The following SPEF2 variants were observed in gnomAD, a reference collection of about 807,000 sequenced individuals.
The protein encoded by SPEF2 is sperm flagella and cilia-associated protein 2.
SPEF2 carries 187 observed loss-of-function variants against 224.6 expected under a neutral mutation model. That is an observed-to-expected ratio of 0.83 (90% CI 0.74 to 0.94). SPEF2 has a LOEUF of 0.94. SPEF2 is among the 40% of genes least tolerant of loss of function. The pLI, the probability that SPEF2 is intolerant of heterozygous loss-of-function variation, is 0.00. For synonymous variants in SPEF2, 715 were observed against 707.3 expected, an observed-to-expected ratio of 1.01 and a Z score of -0.17; for missense variants, 2,170 against 2,135.6, an observed-to-expected ratio of 1.02 and a Z score of -0.32.
chr5:35,719,249 G>A (rs1044015353), intron 20 of SPEF2, among the ~76,000 whole-genome samples: 1 of 152,102 alleles, frequency 6.6e-6, no homozygotes, highest in African/African-American at 2.4e-5. Context: ...CTAAAATATA[G>A]GGGAAAACTT....
At position 35,666,048 on chromosome 5, in the gene SPEF2, A is replaced by G. The variant is rs182721181; in HGVS notation, c.1168-1024A>G. On this transcript the variant is annotated intron_variant, in intron 8 of 36. Transcript: ENST00000356031. ...AATTTTTTGGGGTATGCTAAGTACT[A>G]TTAATAACCTGACTTTGAGGAAATG... is the stretch of plus-strand genomic sequence containing the variant. Among the ~76,000 whole-genome samples the G allele has an allele frequency of 1.9e-3, 292 of 152,280 alleles. 1 individual carries two copies. Among genetic ancestry groups the G allele is most frequent in the African/African-American group, 6.9e-3 (287 of 41,558 alleles).
intron 10 of SPEF2, among the ~76,000 whole-genome samples, chr5:35,680,283 G>A (rs138453090): frequency 3.9e-4 from 60 of 152,194 alleles, no homozygotes; most frequent in African/African-American, 1.3e-3. Flanking sequence ...TTGTTACTTC[G>A]GGAGATACTT....
chr5:35,660,861 G>A (rs944084429), intron 8 of SPEF2, among the ~76,000 whole-genome samples: 4 of 152,186 alleles, frequency 2.6e-5, no homozygotes, highest in Non-Finnish European at 4.4e-5. Context: ...ACTAACTTCA[G>A]AGGACCGGAA....
At chr5:35,718,552 C>T (rs10434593) in intron 20 of SPEF2, among the ~76,000 whole-genome samples, 106,744 of 151,910 alleles carry the variant, frequency 0.7, 38,374 homozygotes, top group Middle Eastern at 0.8. Flanking sequence ...TGCATCTGAG[C>T]GATTTTGGCA....
intron 30 of SPEF2, among the ~76,000 whole-genome samples, chr5:35,786,050 A>G (rs1755070316): frequency 6.6e-6 from 1 of 152,190 alleles, no homozygotes; most frequent in African/African-American, 2.4e-5. Context: ...TGAATGATCT[A>G]GCTTAACCAC....
At chr5:35,769,791 G>A (rs1373299733) in intron 26 of SPEF2, among the ~76,000 whole-genome samples, 1 of 152,062 alleles carries the variant, frequency 6.6e-6, no homozygotes, top group Non-Finnish European at 1.5e-5. Flanking sequence ...CCACAAAACT[G>A]TAATAGTCTT....
At chr5:35,751,032 TATACAC>T (rs1424800048) in intron 23 of SPEF2, among the ~76,000 whole-genome samples, 1 of 96,070 alleles carries the variant, frequency 1.0e-5, no homozygotes, top group African/African-American at 4.0e-5. Context: ...TACGTATATA[TATACAC>T]ATATGTATAT....
intron 5 of SPEF2, 60 bp from the exon 6 acceptor site, chr5:35,649,301 A>T: frequency 7.3e-7 from 1 of 1,378,810 alleles, no homozygotes. Context: ...ATGAATGTGT[A>T]AATGAAGATT....
In SPEF2 at chr5:35,787,051, C is replaced by T. The variant is rs1264825460; in HGVS notation, c.4448-5289C>T. 3.3e-5 allele frequency among the ~76,000 whole-genome samples: 5 copies of T among 152,336 alleles called. No homozygotes were observed. The East Asian group carries it at 9.6e-4, about 29-fold the overall frequency. ...AACACATATATGTGATCTAGGCTCTCTGCCTTCAGGGAGAAACTGGTATTT... is the reference window on the plus strand; with the variant it reads ...AACACATATATGTGATCTAGGCTCTTTGCCTTCAGGGAGAAACTGGTATTT... On this transcript the variant is annotated intron_variant, in intron 30 of 36. Transcript: ENST00000356031.
At chr5:35,770,433 A>C (rs1752670570) in intron 26 of SPEF2, among the ~76,000 whole-genome samples, 1 of 152,094 alleles carries the variant, frequency 6.6e-6, no homozygotes, top group Admixed American at 6.6e-5. Context: ...GGTGCTGGGC[A>C]AGATGTCATC....
At chr5:35,763,424 T>C (rs1751621101) in intron 25 of SPEF2, 98 bp from the exon 26 acceptor site, 12 of 1,125,692 alleles carry the variant, frequency 1.1e-5, no homozygotes, top group African/African-American at 1.6e-5. Context: ...AAATTGAGAT[T>C]AAACCAAGAC....
chr5:35,714,590 A>G lies in SPEF2; in HGVS notation c.2914+1704A>G, dbSNP rs577870399. Among the ~76,000 whole-genome samples the G allele has an allele frequency of 9.9e-5, 15 of 151,390 alleles. No homozygotes were observed. In the East Asian group the frequency reaches 2.9e-3, roughly 29 times the overall value. On this transcript the variant is annotated intron_variant, in intron 20 of 36. Transcript: ENST00000356031. ...GTATTTACTTTGTATTTTTTTTCTTAATATTACAATTACATGGCCTCAGTT... is the reference window on the plus strand; with the variant it reads ...GTATTTACTTTGTATTTTTTTTCTTGATATTACAATTACATGGCCTCAGTT...
chr5:35,737,157 C>T (rs902228769), intron 21 of SPEF2, among the ~76,000 whole-genome samples: 7 of 152,198 alleles, frequency 4.6e-5, no homozygotes, highest in African/African-American at 9.6e-5. Context: ...ATTAAACTTA[C>T]GTATATTAAA....
chr5:35,711,144 A>G (rs1214281518), intron 19 of SPEF2, among the ~76,000 whole-genome samples: 1 of 152,224 alleles, frequency 6.6e-6, no homozygotes, highest in African/African-American at 2.4e-5. Context: ...GCTTCTGAAC[A>G]TGCCCTACTC....
At chr5:35,808,403 C>A (rs1758316305) in intron 36 of SPEF2, among the ~76,000 whole-genome samples, 1 of 152,034 alleles carries the variant, frequency 6.6e-6, no homozygotes, top group Non-Finnish European at 1.5e-5. Flanking sequence ...TCTCCCCTTC[C>A]CCCACCCCAT....
At chr5:35,655,260 C>A (rs1222561019) in intron 7 of SPEF2, among the ~76,000 whole-genome samples, 1 of 152,124 alleles carries the variant, frequency 6.6e-6, no homozygotes, top group African/African-American at 2.4e-5. Flanking sequence ...GGGGGTGGGG[C>A]CCAGTGATCC....
chr5:35,720,495 A>G (rs956151933), intron 20 of SPEF2, among the ~76,000 whole-genome samples: 21 of 152,198 alleles, frequency 1.4e-4, no homozygotes, highest in African/African-American at 3.1e-4. Flanking sequence ...TTAAAATTCT[A>G]TAGCTCATTA....
intron 23 of SPEF2, among the ~76,000 whole-genome samples, chr5:35,748,203 G>A (rs546549146): frequency 6.6e-6 from 1 of 152,154 alleles, no homozygotes; most frequent in East Asian, 1.9e-4. Context: ...AAAGTTCATA[G>A]CCCTAAATGC....
At chr5:35,728,751 AG>A (rs1210506289) in intron 21 of SPEF2, among the ~76,000 whole-genome samples, 2 of 152,194 alleles carry the variant, frequency 1.3e-5, no homozygotes, top group African/African-American at 4.8e-5. Context: ...TTGATTAATT[AG>A]CATTGAGAGT....
Sources: allele counts gnomAD v4.1 joint callset (sites outside exome capture counted in the v4.1 genomes callset), GRCh38; gene constraint gnomAD v4.1.1; transcripts MANE v1.5; gene names NCBI Gene and HGNC (gene_info 2026-07-23, HGNC 2026-07-21).